Variants in DNASE2 observed in about 807,000 individuals in gnomAD.
DNASE2 encodes deoxyribonuclease 2, lysosomal.
A neutral mutation model predicts 29.8 loss-of-function variants in DNASE2; 26 were observed. That is an observed-to-expected ratio of 0.87 (90% CI 0.64 to 1.21). The LOEUF is 1.21. Among genes scored for constraint, DNASE2 ranks in the 50% most tolerant of loss-of-function variants. The pLI is 0.00. For missense variants in DNASE2, 415 were observed against 455.6 expected, an observed-to-expected ratio of 0.91 and a Z score of 0.81; for synonymous variants, 186 against 193.5, an observed-to-expected ratio of 0.96 and a Z score of 0.32.
rs760721485 is a variant in DNASE2 at position 12,876,033 on chromosome 19, C to T, written c.1040G>A (p.Cys347Tyr). ...GCTGGGCTTCCTGGCCATGCCATTA[C>T]AGGGCTGGTAGTTCTTCACCAGCGG... ...FQPLVKNYQP[C>Y]NGMARKPSRA... Residue 347 changes from cysteine (C) to tyrosine (Y), a missense_variant, in exon 6 of 6, where the codon TGT becomes TAT. By Grantham distance (194) the Cys-to-Tyr change is radical. Transcript: ENST00000222219. 2 of 1,613,924 alleles carry T rather than the reference C, an allele frequency of 1.2e-6. No homozygotes were observed. Among genetic ancestry groups the T allele is most frequent in the South Asian group, 1.1e-5 (1 of 91,072 alleles).
intron 5 of DNASE2, 71 bp from the exon 6 acceptor site, chr19:12,876,434 T>C: frequency 6.6e-7 from 1 of 1,509,938 alleles, no homozygotes; most frequent in South Asian, 1.2e-5. Flanking sequence ...CCACTTCCCC[T>C]CTCTCAGCTC....
intron 3 of DNASE2, 67 bp downstream of exon 3, chr19:12,880,735 G>C: frequency 1.3e-6 from 2 of 1,588,022 alleles, no homozygotes; most frequent in Non-Finnish European, 1.7e-6. Context: ...ACCACCCCAT[G>C]CACGTCAGGG....
chr19:12,878,334 C>A, intron 5 of DNASE2, 48 bp downstream of exon 5: 1 of 1,609,788 alleles, frequency 6.2e-7, no homozygotes, highest in Non-Finnish European at 8.5e-7. Flanking sequence ...ACACCAGTCA[C>A]CCTGTCTGCA....
rs1970371270 is a variant in DNASE2, at chr19:12,880,803, C to G, written c.345G>C (p.Lys115Asn). Residue 115 changes from lysine (K) to asparagine (N), a missense_variant and splice_region_variant, in exon 3 of 6, where the codon AAG becomes AAC. Transcript: ENST00000222219. Reference sequence around the variant, plus strand: ...CCCAGCCCCCAATCCAGGCCTCACCCTTCGTGTGCCCACGCATGGAAGAGT... The same window carrying G: ...CCCAGCCCCCAATCCAGGCCTCACCGTTCGTGTGCCCACGCATGGAAGAGT... Reference protein sequence around the residue: ...AQDSSMRGHTKGVLLLDHDGG... With the variant: ...AQDSSMRGHTNGVLLLDHDGG... The G allele has an allele frequency of 6.2e-7, 1 of 1,614,250 alleles. No homozygotes were observed. Among genetic ancestry groups the G allele is most frequent in the Non-Finnish European group, 8.5e-7 (1 of 1,180,048 alleles).
chr19:12,878,107 C>A, intron 5 of DNASE2: 1 of 463,640 alleles, frequency 2.2e-6, no homozygotes, highest in South Asian at 2.1e-5. Flanking sequence ...GAGGCACCAC[C>A]TCTGGCACCC....
intron 3 of DNASE2, among the ~76,000 whole-genome samples, chr19:12,879,165 A>AGT (rs58515810): frequency 0.33 from 46,949 of 141,104 alleles, 8,098 homozygotes; most frequent in East Asian, 0.6. Context: ...TAAGTAAGTA[A>AGT]ATAAATAAAT....
Position 12,876,237 on chromosome 19 carries a change from A to C in DNASE2, c.836T>G (p.Ile279Arg), listed in dbSNP as rs375552010. 3.1e-6 allele frequency: 5 copies of C among 1,614,050 alleles called. No individual in the cohort carries two copies. In the South Asian group the frequency reaches 4.4e-5, roughly 14 times the overall value. ...TGGGCCGGCTGGTCCAGGGAAAGCT[A>C]TCTGGTTCACATTCAGAACCTGCCA... ...DIWQVLNVNQ[I>R]AFPGPAGPSF... Residue 279 changes from isoleucine to arginine, a missense_variant, in exon 6 of 6, where the codon ATA (isoleucine) becomes AGA (arginine). Physicochemically the swap from Ile to Arg is moderately conservative, Grantham distance 97. Transcript: ENST00000222219.
rs777268391 is a variant in DNASE2 at position 12,876,263 on chromosome 19, G to A, written c.810C>T (p.Ile270=). Residue 270 remains isoleucine (I), a synonymous_variant, in exon 6 of 6, where the codon ATC becomes ATT. Transcript: ENST00000222219. ...TCTGGTTCACATTCAGAACCTGCCAGATATCCGAGCAGTTAGAGGGCAGGA... is the reference window on the plus strand; with the variant it reads ...TCTGGTTCACATTCAGAACCTGCCAAATATCCGAGCAGTTAGAGGGCAGGA... ...VGILPSNCSD[I]WQVLNVNQIA... is the part of the protein sequence containing the mutation. The A allele has an allele frequency of 6.2e-7, 1 of 1,614,188 alleles. No homozygotes were observed. Among genetic ancestry groups the A allele is most frequent in the South Asian group, 1.1e-5 (1 of 91,092 alleles).
chr19:12,878,870 C>T (rs1396911063), intron 3 of DNASE2, 36 bp from the exon 4 acceptor site: 2 of 1,592,272 alleles, frequency 1.3e-6, no homozygotes, highest in Non-Finnish European at 8.5e-7. Flanking sequence ...AGGTCGGGCG[C>T]AGTGGCTCAC....
At chr19:12,880,681 TG>T in intron 3 of DNASE2, 120 bp downstream of exon 3, 3 of 1,342,272 alleles carry the variant, frequency 2.2e-6, no homozygotes, top group Non-Finnish European at 3.1e-6. Flanking sequence ...AAAAAAAAGT[TG>T]GGGGGAATAG....
At position 12,881,079 on chromosome 19, in the gene DNASE2, G is replaced by C; in HGVS notation, c.160C>G (p.Leu54Val). 6.2e-7 allele frequency: 1 copy of C among 1,612,564 alleles called. No individual in the cohort carries two copies. Among genetic ancestry groups the C allele is most frequent in the Non-Finnish European group, 8.5e-7 (1 of 1,180,002 alleles). ...AAQRGLQYKY[L>V]DESSGGWRDG... is the part of the protein sequence containing the mutation. ...CGCCAGCCTCCGGAGCTCTCGTCCA[G>C]ATACTTGTACTGCAGCCCTCTCTGC... Residue 54 changes from leucine (L) to valine (V), a missense_variant, in exon 2 of 6, where the codon CTG (leucine) becomes GTG (valine). Leu to Val is a conservative substitution (Grantham distance 32, BLOSUM62 1). Transcript: ENST00000222219.
intron 5 of DNASE2, among the ~76,000 whole-genome samples, chr19:12,877,614 T>C (rs2085466): frequency 0.4 from 61,035 of 151,458 alleles, 14,203 homozygotes; most frequent in East Asian, 0.63. Context: ...GGCACTATCT[T>C]GACTCACTGC....
chr19:12,881,291 A>G lies in DNASE2; in HGVS notation c.85T>C (p.Trp29Arg). Residue 29 changes from tryptophan to arginine, a missense_variant and splice_region_variant, in exon 1 of 6, where the codon TGG becomes CGG. Coordinates refer to ENST00000222219, the MANE Select transcript of DNASE2 (RefSeq NM_001375.3). The part of the protein sequence containing the change: ...CYGDSGQPVD[W>R]FVVYKLPALR... ...GTAGGCCCCCCGCTGCGCACTCACC[A>G]GTCTACAGGCTGCCCGGAGTCCCCG... is the stretch of plus-strand genomic sequence containing the variant. The G allele has an allele frequency of 6.3e-7, 1 of 1,576,788 alleles. No homozygotes were observed. Among genetic ancestry groups the G allele is most frequent in the Non-Finnish European group, 8.6e-7 (1 of 1,162,058 alleles).
At position 12,878,569 on chromosome 19, in the gene DNASE2, C is replaced by A; in HGVS notation, c.522G>T (p.Leu174=). 6.2e-7 allele frequency: 1 copy of A among 1,614,056 alleles called. No individual in the cohort carries two copies. The highest frequency in any genetic ancestry group is 1.1e-5 in the South Asian group (1 of 91,056). The change falls in exon 5 of 6, where the codon CTG becomes CTT. Residue 174 remains leucine, a synonymous_variant. Coordinates refer to ENST00000222219, the MANE Select transcript of DNASE2 (RefSeq NM_001375.3). ...TATAGACCCAGGGGTAGGTGTAGGT[C>A]AGCTGCTTGCCTGGAGGACAAGGGG... The part of the protein sequence containing the change: ...FAQFSKMGKQ[L]TYTYPWVYNY...
Position 12,881,002 on chromosome 19 carries a change from C to T in DNASE2, c.237G>A (p.Leu79=), listed in dbSNP as rs1267875123. 3 of 1,613,926 alleles carry T rather than the reference C, an allele frequency of 1.9e-6. No individual in the cohort carries two copies. Among genetic ancestry groups the T allele is most frequent in the African/African-American group, 2.7e-5 (2 of 74,944 alleles). Residue 79 remains leucine, a synonymous_variant, in exon 2 of 6, where the codon CTG becomes CTA. Coordinates refer to ENST00000222219, the MANE Select transcript of DNASE2 (RefSeq NM_001375.3). ...NSPEGAVGRS[L]QPLYRSNTSQ... is the part of the protein sequence containing the mutation. ...TGGTGTTGCTCCGGTACAGCGGCTG[C>T]AGGCTTCGGCCCACGGCCCCCTCCG...
chr19:12,881,018 G>GC lies in DNASE2; in HGVS notation c.220dup (p.Ala74GlyfsTer24). ...CAGCGGCTGCAGGCTTCGGCCCACGGCCCCCTCCGGGCTGTTGATGAGTGC... is the reference window on the plus strand; with the variant it reads ...CAGCGGCTGCAGGCTTCGGCCCACGGCCCCCCTCCGGGCTGTTGATGAGTGC... On this transcript the variant is annotated frameshift_variant, in exon 2 of 6. Coordinates refer to ENST00000222219, the MANE Select transcript of DNASE2 (RefSeq NM_001375.3). LOFTEE classifies it high-confidence loss of function. 6.2e-7 allele frequency: 1 copy of GC among 1,613,816 alleles called. No individual in the cohort carries two copies.
At chr19:12,878,316 C>T in intron 5 of DNASE2, 66 bp downstream of exon 5, 1 of 1,597,500 alleles carries the variant, frequency 6.3e-7, no homozygotes, top group Non-Finnish European at 8.6e-7. Context: ...TTGAACTCAG[C>T]CATGGCCACA....
At position 12,876,065 on chromosome 19, in the gene DNASE2, G is replaced by A. The variant is rs747606365; in HGVS notation, c.1008C>T (p.Ala336=). Residue 336 remains alanine, a synonymous_variant, in exon 6 of 6, where the codon GCC becomes GCT. Transcript: ENST00000222219. The part of the protein sequence containing the change: ...LCAQLPALWK[A]FQPLVKNYQP... ...GGTAGTTCTTCACCAGCGGCTGGAA[G>A]GCTTTCCAGAGGGCTGGCAGCTGGG... The A allele has an allele frequency of 1.9e-6, 3 of 1,614,110 alleles. No individual in the cohort carries two copies. The highest frequency in any genetic ancestry group is 2.5e-6 in the Non-Finnish European group (3 of 1,180,012).
At chr19:12,878,354 C>T in intron 5 of DNASE2, 28 bp downstream of exon 5, 2 of 1,612,124 alleles carry the variant, frequency 1.2e-6, no homozygotes, top group Non-Finnish European at 1.7e-6. Flanking sequence ...AGAGAAGGAG[C>T]TCTCCAACCC....
Sources: gnomAD v4.1 joint callset for allele counts (sites outside exome capture counted in the v4.1 genomes callset) on GRCh38, gnomAD v4.1.1 for gene constraint, MANE v1.5 for transcripts, NCBI Gene and HGNC (gene_info 2026-07-23, HGNC 2026-07-21) for gene names.